Variants in CCDC187 observed in about 807,000 individuals in gnomAD.
CCDC187 encodes the protein coiled-coil domain-containing protein 187.
Under a neutral mutation model 38.0 loss-of-function variants are expected in CCDC187, and 32 were observed. The observed-to-expected ratio is 0.84, with a 90% CI of 0.64 to 1.13. The LOEUF (loss-of-function observed/expected upper bound fraction) is 1.13, where lower values mean the gene tolerates loss of function less well. Ranked by LOEUF, CCDC187 falls within the 50% of genes most tolerant of loss-of-function variation. The pLI is 0.00. For synonymous variants in CCDC187, 333 were observed against 347.9 expected, an observed-to-expected ratio of 0.96 and a Z score of 0.48; for missense variants, 707 against 786.8, an observed-to-expected ratio of 0.90 and a Z score of 1.21.
intron 3 of CCDC187, among the ~76,000 whole-genome samples, chr9:136,298,612 C>T (rs909845066): frequency 4.6e-5 from 7 of 152,380 alleles, no homozygotes; most frequent in Admixed American, 1.3e-4. Flanking sequence ...GGCCTCCAAA[C>T]GCCACTTGGT....
chr9:136,281,098 C>G (rs900103795), intron 10 of CCDC187: 1 of 263,420 alleles, frequency 3.8e-6, no homozygotes, highest in African/African-American at 2.2e-5. Context: ...GGTCCTACAG[C>G]GCAGCCCACG....
At position 136,290,757 on chromosome 9, in the gene CCDC187, G is replaced by T. The variant is rs1020466681; in HGVS notation, c.1856C>A (p.Thr619Lys). 2.5e-6 allele frequency: 1 copy of T among 398,514 alleles called. No individual in the cohort carries two copies. Among genetic ancestry groups the T allele is most frequent in the East Asian group, 3.6e-5 (1 of 28,056 alleles). 24.7% of individuals were successfully genotyped at this position (398,514 alleles called of 1,614,324 possible). ...PQNPLGKEKDTLRPCPRSRGL... is the reference protein window; with the variant it reads ...PQNPLGKEKDKLRPCPRSRGL... ...CCGGGACCTGGGGCAGGGCCGCAGC[G>T]TGTCCTTCTCCTTCCCAAGTGGGTT... Residue 619 changes from threonine (T) to lysine (K), a missense_variant, in exon 6 of 26, where the codon ACG (threonine) becomes AAG (lysine). Coordinates refer to ENST00000638797, the MANE Select transcript of CCDC187 (RefSeq NM_001378188.1).
At chr9:136,286,052 C>A (rs1040047907) in intron 8 of CCDC187, 33 bp downstream of exon 8, 26 of 398,110 alleles carry the variant, frequency 6.5e-5, no homozygotes, top group Non-Finnish European at 1.1e-4. Flanking sequence ...CCCTGGCCAC[C>A]CAGCGGTCAC....
chr9:136,290,869 C>T lies in CCDC187; in HGVS notation c.1744G>A (p.Gly582Ser), dbSNP rs1345248745. 1.5e-5 allele frequency: 6 copies of T among 398,462 alleles called. No individual in the cohort carries two copies. Among genetic ancestry groups the T allele is most frequent in the African/African-American group, 2.1e-5 (1 of 48,642 alleles). 24.7% of individuals were successfully genotyped at this position (398,462 alleles called of 1,614,324 possible). The change falls in exon 6 of 26, where the codon GGC becomes AGC. Residue 582 changes from glycine (G) to serine (S), a missense_variant. Gly to Ser is a moderately conservative substitution (Grantham distance 56, BLOSUM62 0). Coordinates refer to ENST00000638797, the MANE Select transcript of CCDC187 (RefSeq NM_001378188.1). ...PWSSSGVQRA[G>S]PQGKGRGIGS... ...ATGCCTCTGCCCTTGCCCTGGGGGC[C>T]GGCCCTCTGCACGCCGGAGCTGCTC...
Position 136,267,440 on chromosome 9 carries a change from C to G in CCDC187, c.3591G>C (p.Glu1197Asp). Residue 1197 changes from glutamate (E) to aspartate (D), a missense_variant, in exon 16 of 26, where the codon GAG becomes GAC. Physicochemically the swap from Glu to Asp is conservative, Grantham distance 45 (BLOSUM62 2). Coordinates refer to ENST00000638797, the MANE Select transcript of CCDC187 (RefSeq NM_001378188.1). ...CGAGCGTTTTCTCCTGGAGCGCCAT[C>G]TCTCGCAGGCGCAGCAGCGCGGCCT... is the stretch of plus-strand genomic sequence containing the variant. ...QHQAALLRLR[E>D]MALQEKTLAE... 5 of 985,594 alleles carry G rather than the reference C, an allele frequency of 5.1e-6. No individual in the cohort carries two copies. The highest frequency in any genetic ancestry group is 6.0e-6 in the Non-Finnish European group (5 of 830,028). 61.1% of individuals were successfully genotyped at this position (985,594 alleles called of 1,614,324 possible). A position where few individuals can be genotyped will look rare whatever the true frequency, so the allele number is the denominator to read the frequency against.
In CCDC187 at chr9:136,250,708, G is replaced by A. The variant is rs1554759191; in HGVS notation, c.*2886C>T. 2 of 456,150 alleles carry A rather than the reference G, an allele frequency of 4.4e-6. No individual in the cohort carries two copies. Among genetic ancestry groups the A allele is most frequent in the Admixed American group, 2.3e-5 (1 of 42,580 alleles). 28.3% of individuals were successfully genotyped at this position (456,150 alleles called of 1,614,324 possible). A position where few individuals can be genotyped will look rare whatever the true frequency, so the allele number is the denominator to read the frequency against. ...CTGCATTCTCAGGTGGGCTGGGCAG[G>A]AGCTGGTGCAAAATCAGATGCATGG... On this transcript the variant is annotated 3_prime_UTR_variant, in exon 26 of 26. Coordinates refer to ENST00000638797, the MANE Select transcript of CCDC187 (RefSeq NM_001378188.1).
rs1370493037 is a variant in CCDC187 at position 136,291,297 on chromosome 9, T to C, written c.1316A>G (p.Glu439Gly). The C allele has an allele frequency of 2.5e-5, 10 of 398,584 alleles. No individual in the cohort carries two copies. Among genetic ancestry groups the C allele is most frequent in the African/African-American group, 4.1e-5 (2 of 48,650 alleles). The allele number at this position is 398,584 out of a possible 1,614,324, so 24.7% of individuals were successfully genotyped here. ...AMTERKHSSL[E>G]RARSVHTWEP... ...CCAGGTGTGGACACTCCTAGCCCTC[T>C]CTAAAGAGGAATGCTTCCTCTCTGT... The change falls in exon 6 of 26, where the codon GAG becomes GGG. Residue 439 changes from glutamate (E) to glycine (G), a missense_variant. Coordinates refer to ENST00000638797, the MANE Select transcript of CCDC187 (RefSeq NM_001378188.1).
upstream of CCDC187, among the ~76,000 whole-genome samples, chr9:136,305,854 C>T (rs1831794852): frequency 2.0e-5 from 3 of 152,236 alleles, no homozygotes; most frequent in African/African-American, 7.2e-5. Flanking sequence ...CCCCACCTGC[C>T]CTGGGGGACA....
intron 9 of CCDC187, among the ~76,000 whole-genome samples, chr9:136,282,236 G>T (rs1357529148): frequency 6.6e-6 from 1 of 152,196 alleles, no homozygotes; most frequent in Non-Finnish European, 1.5e-5. Context: ...CCTATCTGGG[G>T]AGCACCCGGG....
chr9:136,259,758 G>A (rs913229808), intron 20 of CCDC187, among the ~76,000 whole-genome samples: 2 of 152,308 alleles, frequency 1.3e-5, no homozygotes, highest in East Asian at 3.9e-4. Context: ...TGTGTTTCTG[G>A]GACCTGCCTG....
At chr9:136,282,117 T>C (rs1208271094) in intron 9 of CCDC187, among the ~76,000 whole-genome samples, 1 of 152,170 alleles carries the variant, frequency 6.6e-6, no homozygotes, top group African/African-American at 2.4e-5. Flanking sequence ...GGACCATCTC[T>C]ACCATCTACT....
At chr9:136,295,481 G>A (rs1196882229) in intron 4 of CCDC187, among the ~76,000 whole-genome samples, 2 of 152,218 alleles carry the variant, frequency 1.3e-5, no homozygotes, top group East Asian at 1.9e-4. Flanking sequence ...TTCTGGGGCC[G>A]ACCTAATCTA....
rs1830555109 is a variant in CCDC187 at position 136,252,292 on chromosome 9, C to T, written c.*1302G>A. 6.7e-6 allele frequency: 1 copy of T among 148,848 alleles called. No individual in the cohort carries two copies. The highest frequency in any genetic ancestry group is 2.7e-5 in the African/African-American group (1 of 37,384). 9.2% of individuals were successfully genotyped at this position (148,848 alleles called of 1,614,324 possible). On this transcript the variant is annotated 3_prime_UTR_variant, in exon 26 of 26. Coordinates refer to ENST00000638797, the MANE Select transcript of CCDC187 (RefSeq NM_001378188.1). Reference sequence around the variant, plus strand: ...CGGAGCCGGCCGCCCACCTGGTCCACCCTGGGAAGAGCCGGCCGCCCACCC... The same window carrying T: ...CGGAGCCGGCCGCCCACCTGGTCCATCCTGGGAAGAGCCGGCCGCCCACCC...
intron 14 of CCDC187, among the ~76,000 whole-genome samples, chr9:136,270,860 G>C (rs1461940571): frequency 1.3e-5 from 2 of 152,284 alleles, no homozygotes; most frequent in Middle Eastern, 6.8e-3. Flanking sequence ...TGTCCCTTCA[G>C]ACCTGATGCT....
chr9:136,278,197 TGA>T lies in CCDC187; in HGVS notation c.3041-1472_3041-1471del, dbSNP rs1830970971. ...ATCTTTTGCTTTTGTTTCATGGCCC[TGA>T]GAGAGGCTGAAGCCAGAGAAGGGTC... On this transcript the variant is annotated intron_variant, in intron 10 of 25. Coordinates refer to ENST00000638797, the MANE Select transcript of CCDC187 (RefSeq NM_001378188.1). Among the ~76,000 whole-genome samples, 3 of 152,226 alleles carry T rather than the reference TGA, an allele frequency of 2.0e-5. No individual in the cohort carries two copies. The South Asian group carries it at 6.2e-4, about 32-fold the overall frequency.
chr9:136,293,846 TCACA>T (rs1190338300), intron 4 of CCDC187, among the ~76,000 whole-genome samples: 5 of 76,120 alleles, frequency 6.6e-5, no homozygotes, highest in Non-Finnish European at 1.4e-4. Flanking sequence ...ACACTCGTTC[TCACA>T]CACATTCAGT....
Position 136,259,378 on chromosome 9 carries a change from C to A in CCDC187, c.4281G>T (p.Leu1427=). Residue 1427 remains leucine (L), a synonymous_variant, in exon 21 of 26, where the codon CTG becomes CTT. Transcript: ENST00000638797. ...QHVSPPDGQR[L]GPAFPAEEAE... ...GAGTGCGTACGGGAAAGGCTGGGCC[C>A]AGCCGCTGTCCGTCCGGGGGGCTCA... The A allele has an allele frequency of 1.0e-6, 1 of 985,022 alleles. No homozygotes were observed. The allele number at this position is 985,022 out of a possible 1,614,324, so 61.0% of individuals were successfully genotyped here. A position where few individuals can be genotyped will look rare whatever the true frequency, so the allele number is the denominator to read the frequency against.
intron 16 of CCDC187, 48 bp from the exon 17 acceptor site, chr9:136,266,091 G>T: frequency 1.0e-6 from 1 of 964,996 alleles, no homozygotes; most frequent in Non-Finnish European, 1.2e-6. Flanking sequence ...GCCCGTGCAA[G>T]TGGATATAGA....
rs1830516816 is a variant in CCDC187, at chr9:136,250,056, G to C, written c.*3538C>G. The C allele has an allele frequency of 6.6e-6, 1 of 152,316 alleles. No homozygotes were observed. The highest frequency in any genetic ancestry group is 1.5e-5 in the Non-Finnish European group (1 of 68,122). 9.4% of individuals were successfully genotyped at this position (152,316 alleles called of 1,614,324 possible). A position where few individuals can be genotyped will look rare whatever the true frequency, so the allele number is the denominator to read the frequency against. ...AAATACAGCAGGAGACCTTGAAGGG[G>C]AGGAACCTTGGATTACCATCTTGCC... On this transcript the variant is annotated 3_prime_UTR_variant, in exon 26 of 26. Transcript: ENST00000638797.
Sources: gnomAD v4.1 joint callset for allele counts (sites outside exome capture counted in the v4.1 genomes callset) on GRCh38, gnomAD v4.1.1 for gene constraint, MANE v1.5 for transcripts, NCBI Gene and HGNC (gene_info 2026-07-23, HGNC 2026-07-21) for gene names.